ADORA2B: variants seen among roughly 807,000 people sequenced by gnomAD.
ADORA2B encodes the protein adenosine receptor A2b.
A neutral mutation model predicts 20.8 loss-of-function variants in ADORA2B; 18 were observed. That is an observed-to-expected ratio of 0.87 (90% CI 0.60 to 1.29). The LOEUF (loss-of-function observed/expected upper bound fraction) is 1.29. ADORA2B is among the 50% of genes most tolerant of loss of function. The pLI, the probability that ADORA2B is intolerant of heterozygous loss-of-function variation, is 0.00. For synonymous variants in ADORA2B, 179 were observed against 178.3 expected (o/e 1.00, Z -0.03); for missense variants, 441 against 422.7 (o/e 1.04, Z -0.38).
At chr17:15,940,456 A>T (rs549164148), upstream of ADORA2B, among the ~76,000 whole-genome samples, 1 of 152,256 alleles carries the variant, frequency 6.6e-6, no homozygotes, top group Admixed American at 6.5e-5. Context: ...GTTGACTTCC[A>T]GAAGTGCTTG....
the ADORA2B span, among the ~76,000 whole-genome samples, chr17:15,878,951 T>G: frequency 1.3e-5 from 2 of 152,318 alleles, no homozygotes; most frequent in South Asian, 4.1e-4. Flanking sequence ...TTATGGTGTA[T>G]TACTGTTGTG....
At chr17:15,891,134 C>T in the ADORA2B span, among the ~76,000 whole-genome samples, 346 of 152,242 alleles carry the variant, frequency 2.3e-3, 1 homozygote, top group Admixed American at 6.5e-3. Flanking sequence ...GGCGTGGTGG[C>T]GGGTGCCTGT....
the ADORA2B span, among the ~76,000 whole-genome samples, chr17:15,912,777 C>T: frequency 4.2e-4 from 64 of 152,218 alleles, no homozygotes; most frequent in African/African-American, 1.3e-3. Flanking sequence ...GCACTTGGGA[C>T]GATCTCTTCC....
At chr17:15,973,828 T>G (rs1222377839) in intron 1 of ADORA2B, 1 of 152,174 alleles carries the variant, frequency 6.6e-6, no homozygotes, top group Non-Finnish European at 1.5e-5. Flanking sequence ...GTCGATCGGT[T>G]TTTGGAAACT....
intron 1 of ADORA2B, among the ~76,000 whole-genome samples, chr17:15,950,423 GC>G (rs1374970243): frequency 2.0e-5 from 3 of 152,068 alleles, no homozygotes; most frequent in Non-Finnish European, 4.4e-5. Context: ...CTAGATCAAC[GC>G]CCCTTCACTT....
chr17:15,957,656 T>C (rs940453045), intron 1 of ADORA2B, among the ~76,000 whole-genome samples: 25 of 152,128 alleles, frequency 1.6e-4, no homozygotes, highest in African/African-American at 5.8e-4. Flanking sequence ...GGTCGAGTCT[T>C]GGGGAGTCTG....
chr17:15,950,942 C>A (rs1019789436), intron 1 of ADORA2B, among the ~76,000 whole-genome samples: 2 of 152,270 alleles, frequency 1.3e-5, no homozygotes, highest in African/African-American at 4.8e-5. Flanking sequence ...AGTCTCTCTG[C>A]GCCCAGTGTG....
chr17:15,926,510 A>G, the ADORA2B span, among the ~76,000 whole-genome samples: 136,027 of 151,748 alleles, frequency 0.9, 62,494 homozygotes, highest in Non-Finnish European at 0.99. Flanking sequence ...GGGTGGGCAC[A>G]GTATGTCCAA....
chr17:15,892,349 A>G, the ADORA2B span, among the ~76,000 whole-genome samples: 1 of 152,028 alleles, frequency 6.6e-6, no homozygotes, highest in Non-Finnish European at 1.5e-5. Context: ...TGTATTTTTA[A>G]TAGAGACAGG....
In ADORA2B at chr17:15,951,064, T is replaced by G. The variant is rs149230586; in HGVS notation, c.335+5481T>G. Among the ~76,000 whole-genome samples, 23 of 152,290 alleles carry G rather than the reference T, an allele frequency of 1.5e-4. No homozygotes were observed. In the East Asian group the frequency reaches 4.1e-3, roughly 27 times the overall value. On this transcript the variant is annotated intron_variant, in intron 1 of 1. Transcript: ENST00000304222. Reference sequence around the variant, plus strand: ...AGTGACTGGGTGAAAAGGGCACATGTCAGGCTACGTCATGCCCGGGGAACA... The same window carrying G: ...AGTGACTGGGTGAAAAGGGCACATGGCAGGCTACGTCATGCCCGGGGAACA...
the ADORA2B span, among the ~76,000 whole-genome samples, chr17:15,860,139 C>T: frequency 5.9e-5 from 9 of 152,154 alleles, no homozygotes; most frequent in African/African-American, 1.9e-4. Flanking sequence ...CTTGCTCAAT[C>T]GATCACGACC....
chr17:15,955,908 T>C (rs924109376), intron 1 of ADORA2B, among the ~76,000 whole-genome samples: 7 of 148,596 alleles, frequency 4.7e-5, no homozygotes, highest in Non-Finnish European at 1.0e-4. Context: ...TTGGTAGAGA[T>C]GGGGTTTCAC....
At chr17:15,880,153 T>A in the ADORA2B span, among the ~76,000 whole-genome samples, 1 of 142,168 alleles carries the variant, frequency 7.0e-6, no homozygotes, top group Non-Finnish European at 1.5e-5. Context: ...AGATCCAGTG[T>A]CTCTCATCCC....
the ADORA2B span, among the ~76,000 whole-genome samples, chr17:15,872,732 C>T: frequency 2.6e-5 from 4 of 152,112 alleles, no homozygotes; most frequent in African/African-American, 7.2e-5. Flanking sequence ...AGCAGTGCTA[C>T]TTCTTTGTGT....
the ADORA2B span, among the ~76,000 whole-genome samples, chr17:15,920,563 A>G: frequency 6.6e-6 from 1 of 152,140 alleles, no homozygotes; most frequent in South Asian, 2.1e-4. Flanking sequence ...TCTACTAAAA[A>G]TACAAAAATT....
intron 1 of ADORA2B, among the ~76,000 whole-genome samples, chr17:15,949,854 A>AAAAAAAT (rs974381321): frequency 6.6e-6 from 1 of 152,124 alleles, no homozygotes; most frequent in Non-Finnish European, 1.5e-5. Flanking sequence ...CTCTGTCTCA[A>AAAAAAAT]AAAAAATAAA....
Position 15,945,375 on chromosome 17 carries a change from AACT to A in ADORA2B, c.131_133del (p.Tyr44del), listed in dbSNP as rs774696463. On this transcript the variant is annotated inframe_deletion, in exon 1 of 2. Coordinates refer to ENST00000304222, the MANE Select transcript of ADORA2B (RefSeq NM_000676.4). Reference sequence around the variant, plus strand: ...GGCGAACACTCTGCAGACGCCCACCAACTACTTCCTGGTGTCCCTGGCTGCGGC... The same window carrying A: ...GGCGAACACTCTGCAGACGCCCACCAACTTCCTGGTGTCCCTGGCTGCGGC... The A allele has an allele frequency of 6.2e-7, 1 of 1,612,680 alleles. No individual in the cohort carries two copies. The highest frequency in any genetic ancestry group is 1.1e-5 in the South Asian group (1 of 91,014).
the ADORA2B span, among the ~76,000 whole-genome samples, chr17:15,900,099 G>A: frequency 1.3e-5 from 2 of 152,064 alleles, no homozygotes; most frequent in African/African-American, 2.4e-5. Flanking sequence ...CAAAGTGCTG[G>A]GACTACAGGC....
chr17:15,968,709 G>T (rs1970149823), intron 1 of ADORA2B, among the ~76,000 whole-genome samples: 3 of 152,194 alleles, frequency 2.0e-5, no homozygotes, highest in African/African-American at 7.2e-5. Context: ...CAGTTTAGCA[G>T]CAGCAGGCAC....
Sources: allele counts gnomAD v4.1 joint callset (sites outside exome capture counted in the v4.1 genomes callset), GRCh38; gene constraint gnomAD v4.1.1; transcripts MANE v1.5; gene names NCBI Gene and HGNC (gene_info 2026-07-23, HGNC 2026-07-21).